Variants in TFB1M observed in about 807,000 individuals in gnomAD.
TFB1M encodes the protein dimethyladenosine transferase 1, mitochondrial.
In TFB1M, 27 loss-of-function variants were observed where a neutral mutation model predicts 31.1. That is an observed-to-expected ratio of 0.87 (90% CI 0.64 to 1.20). TFB1M has a LOEUF of 1.20. Among genes scored for constraint, TFB1M ranks in the 50% most tolerant of loss-of-function variants. The pLI is 0.00. For synonymous variants in TFB1M, 166 were observed against 151.8 expected (o/e 1.09, Z -0.69); for missense variants, 394 against 418.7 (o/e 0.94, Z 0.51).
At chr6:155,281,839 T>C (rs1785519622) in intron 5 of TFB1M, among the ~76,000 whole-genome samples, 1 of 151,704 alleles carries the variant, frequency 6.6e-6, no homozygotes, top group East Asian at 1.9e-4. Flanking sequence ...AAGACAGAAT[T>C]TTGAGGATCT....
chr6:155,244,172 C>A, the TFB1M span: 3 of 1,205,052 alleles, frequency 2.5e-6, no homozygotes, highest in Non-Finnish European at 3.7e-6. Flanking sequence ...CTCTGTTGAT[C>A]CCAAAAGAAC....
chr6:155,255,850 A>AAAT (rs1325358703), downstream of TFB1M: 2 of 152,808 alleles, frequency 1.3e-5, no homozygotes, highest in African/African-American at 4.8e-5. Flanking sequence ...TCTACAAAAA[A>AAAT]AATATAAAAA....
At chr6:155,300,523 AT>A (rs1777376806) in intron 2 of TFB1M, among the ~76,000 whole-genome samples, 1 of 152,178 alleles carries the variant, frequency 6.6e-6, no homozygotes, top group South Asian at 2.1e-4. Flanking sequence ...AAACGCTAAA[AT>A]TTTTTCTATA....
intron 4 of TFB1M, among the ~76,000 whole-genome samples, chr6:155,287,144 T>C (rs1324225311): frequency 2.0e-5 from 3 of 151,908 alleles, no homozygotes; most frequent in Non-Finnish European, 4.4e-5. Flanking sequence ...GAACCTGATA[T>C]TGGAGGATAT....
chr6:155,274,493 T>C (rs376669597), intron 5 of TFB1M, among the ~76,000 whole-genome samples: 29 of 152,376 alleles, frequency 1.9e-4, no homozygotes, highest in African/African-American at 6.3e-4. Flanking sequence ...ATTTCTGGTA[T>C]GTATTTTTGA....
chr6:155,297,075 G>A lies in TFB1M; in HGVS notation c.424C>T (p.Leu142=). The A allele has an allele frequency of 6.2e-7, 1 of 1,613,828 alleles. No individual in the cohort carries two copies. The highest frequency in any genetic ancestry group is 8.5e-7 in the Non-Finnish European group (1 of 1,179,982). The change falls in exon 4 of 7, where the codon CTG becomes TTG. Residue 142 remains leucine, a synonymous_variant. Coordinates refer to ENST00000367166, the MANE Select transcript of TFB1M (RefSeq NM_016020.4). ...AGTGGAGTTGAAACACTAAAAGGCA[G>A]ATTTCCAATAATATGTACATTTGGA... The part of the protein sequence containing the change: ...DPPNVHIIGN[L]PFSVSTPLII...
chr6:155,243,644 C>T, the TFB1M span, among the ~76,000 whole-genome samples: 4 of 151,836 alleles, frequency 2.6e-5, no homozygotes. Flanking sequence ...GTCAGGAGTT[C>T]GAGACCAGCC....
chr6:155,243,927 C>T, the TFB1M span: 1 of 932,834 alleles, frequency 1.1e-6, no homozygotes, highest in Non-Finnish European at 1.7e-6. Context: ...GCCTTGGGAG[C>T]TGCTGCCAGG....
chr6:155,253,816 T>TCTTC, downstream of TFB1M: 1 of 573,984 alleles, frequency 1.7e-6, no homozygotes, highest in Non-Finnish European at 3.0e-6. Context: ...TTCTTGTAAC[T>TCTTC]GTGAAAATCA....
At chr6:155,248,997 A>G in the TFB1M span, among the ~76,000 whole-genome samples, 1 of 152,222 alleles carries the variant, frequency 6.6e-6, no homozygotes, top group African/African-American at 2.4e-5. Flanking sequence ...GCATTTTTGT[A>G]TGACAGTTAA....
At position 155,275,856 on chromosome 6, in the gene TFB1M, A is replaced by G. The variant is rs375461196; in HGVS notation, c.666+9302T>C. ...TCCAACATCATAACAGCCATTGTAC[A>G]GCTGCACGGGCTCTGGATGGACTGT... On this transcript the variant is annotated intron_variant, in intron 5 of 6. Transcript: ENST00000367166. The G allele has an allele frequency of 1.3e-4, 207 of 1,614,014 alleles. No homozygotes were observed. The highest frequency in any genetic ancestry group is 2.0e-5 in the Non-Finnish European group (24 of 1,180,034).
At chr6:155,282,294 A>G (rs565458004) in intron 5 of TFB1M, among the ~76,000 whole-genome samples, 155 of 152,348 alleles carry the variant, frequency 1.0e-3, no homozygotes, top group African/African-American at 3.7e-3. Flanking sequence ...GCAGTAATTC[A>G]GTTCAACTAG....
intron 4 of TFB1M, among the ~76,000 whole-genome samples, chr6:155,287,759 T>C (rs1209353417): frequency 6.6e-6 from 1 of 152,196 alleles, no homozygotes; most frequent in African/African-American, 2.4e-5. Flanking sequence ...ATATTAAAAT[T>C]GAACAGAGCT....
intron 1 of TFB1M, among the ~76,000 whole-genome samples, chr6:155,312,615 C>T (rs936010408): frequency 3.3e-5 from 5 of 152,112 alleles, no homozygotes; most frequent in African/African-American, 7.2e-5. Context: ...ATTAAAGAAG[C>T]GCTATCAAAT....
chr6:155,278,260 C>T (rs1433921064), intron 5 of TFB1M, among the ~76,000 whole-genome samples: 1 of 152,242 alleles, frequency 6.6e-6, no homozygotes, highest in Non-Finnish European at 1.5e-5. Context: ...TCAATCCTGA[C>T]AGCCTAGAAG....
rs778058796 is a variant in TFB1M at position 155,297,109 on chromosome 6, T to G, written c.395-5A>C. 2 of 1,612,950 alleles carry G rather than the reference T, an allele frequency of 1.2e-6. No individual in the cohort carries two copies. Among genetic ancestry groups the G allele is most frequent in the African/African-American group, 2.7e-5 (2 of 74,906 alleles). On this transcript the variant is annotated splice_polypyrimidine_tract_variant and splice_region_variant and intron_variant, in intron 3 of 6. Coordinates refer to ENST00000367166, the MANE Select transcript of TFB1M (RefSeq NM_016020.4). ...TAATATGTACATTTGGAGGATCTGG[T>G]GGCAGAGGAAAAAACAACCTGAAAT... is the stretch of plus-strand genomic sequence containing the variant.
At chr6:155,312,935 G>C (rs1244122067) in intron 1 of TFB1M, among the ~76,000 whole-genome samples, 2 of 151,966 alleles carry the variant, frequency 1.3e-5, no homozygotes, top group African/African-American at 4.8e-5. Context: ...TAAAGTAGTA[G>C]GCCCTTCTTC....
chr6:155,237,563 G>A, the TFB1M span, among the ~76,000 whole-genome samples: 1 of 152,236 alleles, frequency 6.6e-6, no homozygotes, highest in African/African-American at 2.4e-5. Context: ...TGCCCCTGCA[G>A]CAAACTTCTG....
chr6:155,281,353 G>A (rs1785488593), intron 5 of TFB1M, among the ~76,000 whole-genome samples: 2 of 152,170 alleles, frequency 1.3e-5, no homozygotes, highest in Admixed American at 6.5e-5. Flanking sequence ...CTCTACCAGT[G>A]TCAATTAAAA....
Sources: gnomAD v4.1 joint callset for allele counts (sites outside exome capture counted in the v4.1 genomes callset) on GRCh38, gnomAD v4.1.1 for gene constraint, MANE v1.5 for transcripts, NCBI Gene and HGNC (gene_info 2026-07-23, HGNC 2026-07-21) for gene names.